SAMTOR: variants seen among roughly 807,000 people sequenced by gnomAD.
SAMTOR encodes the protein S-adenosylmethionine sensor upstream of mTORC1.
chr7:112,916,900 C>T, the SAMTOR span, among the ~76,000 whole-genome samples: 4 of 152,208 alleles, frequency 2.6e-5, no homozygotes, highest in Non-Finnish European at 2.9e-5. Context: ...GAGGGGCGCC[C>T]GCCATTGCCC....
At chr7:112,856,722 G>A in the SAMTOR span, among the ~76,000 whole-genome samples, 7 of 151,964 alleles carry the variant, frequency 4.6e-5, no homozygotes, top group Admixed American at 6.6e-5. Flanking sequence ...AGAAAACTAC[G>A]TGATGTAAAA....
chr7:112,832,157 G>A, the SAMTOR span, among the ~76,000 whole-genome samples: 11 of 151,868 alleles, frequency 7.2e-5, no homozygotes, highest in African/African-American at 2.7e-4. Flanking sequence ...GATTATGGGC[G>A]CTTGCCACCA....
At chr7:112,825,197 T>A in the SAMTOR span, among the ~76,000 whole-genome samples, 1 of 146,090 alleles carries the variant, frequency 6.8e-6, no homozygotes, top group Admixed American at 6.8e-5. Flanking sequence ...AATTTTTCTA[T>A]TTTTTTTTTT....
chr7:112,885,700 A>G, the SAMTOR span, among the ~76,000 whole-genome samples: 1 of 152,158 alleles, frequency 6.6e-6, no homozygotes, highest in African/African-American at 2.4e-5. Flanking sequence ...ACATCTTCCT[A>G]TCTTCTGAGC....
the SAMTOR span, among the ~76,000 whole-genome samples, chr7:112,846,316 G>A: frequency 6.6e-6 from 1 of 151,840 alleles, no homozygotes; most frequent in African/African-American, 2.4e-5. Flanking sequence ...TAAGTGATGA[G>A]GACGTATGGA....
the SAMTOR span, chr7:112,821,584 A>G: frequency 1.6e-6 from 1 of 608,670 alleles, no homozygotes; most frequent in African/African-American, 1.9e-5. Context: ...ATAAGAATAA[A>G]TTTTAAAATT....
chr7:112,885,361 G>GTTTTTTT, the SAMTOR span, among the ~76,000 whole-genome samples: 1 of 152,144 alleles, frequency 6.6e-6, no homozygotes, highest in Non-Finnish European at 1.5e-5. Context: ...CAGAAAACGG[G>GTTTTTTT]TTTTTCTTTT....
the SAMTOR span, among the ~76,000 whole-genome samples, chr7:112,913,303 T>C: frequency 6.6e-6 from 1 of 152,150 alleles, no homozygotes; most frequent in Non-Finnish European, 1.5e-5. Flanking sequence ...CCCTTACATA[T>C]CATAATCACT....
the SAMTOR span, among the ~76,000 whole-genome samples, chr7:112,913,743 C>T: frequency 6.6e-6 from 1 of 152,188 alleles, no homozygotes; most frequent in Non-Finnish European, 1.5e-5. Flanking sequence ...CTGAAACATG[C>T]CAGCATGCCT....
chr7:112,925,709 G>C, the SAMTOR span, among the ~76,000 whole-genome samples: 1 of 151,578 alleles, frequency 6.6e-6, no homozygotes. Context: ...CAGGAGAATC[G>C]CTTGAACCTG....
At chr7:112,845,305 AGCTATAGAATGG>A in the SAMTOR span, among the ~76,000 whole-genome samples, 3 of 152,166 alleles carry the variant, frequency 2.0e-5, no homozygotes, top group Admixed American at 6.5e-5. Flanking sequence ...TAAACAGACT[AGCTATAGAATGG>A]GAGAAAATAT....
the SAMTOR span, among the ~76,000 whole-genome samples, chr7:112,851,115 G>C: frequency 3.9e-5 from 6 of 152,136 alleles, no homozygotes; most frequent in Admixed American, 3.9e-4. Context: ...CTTATGGATT[G>C]GAAGAATCAA....
chr7:112,921,235 G>T, the SAMTOR span, among the ~76,000 whole-genome samples: 2 of 152,132 alleles, frequency 1.3e-5, no homozygotes, highest in African/African-American at 4.8e-5. Flanking sequence ...CATGGTAATG[G>T]TACCAAAACA....
chr7:112,893,009 T>C, the SAMTOR span, among the ~76,000 whole-genome samples: 117 of 152,296 alleles, frequency 7.7e-4, no homozygotes, highest in African/African-American at 2.7e-3. Flanking sequence ...TAAACTATTC[T>C]TTAAACAGAT....
At chr7:112,849,282 C>G in the SAMTOR span, among the ~76,000 whole-genome samples, 46 of 152,134 alleles carry the variant, frequency 3.0e-4, no homozygotes, top group African/African-American at 1.1e-3. Context: ...ATAAAAAAAT[C>G]ACAATGTAAT....
chr7:112,919,465 T>C, the SAMTOR span, among the ~76,000 whole-genome samples: 1 of 150,886 alleles, frequency 6.6e-6, no homozygotes, highest in African/African-American at 2.4e-5. Flanking sequence ...AGAGGGAAAT[T>C]TATAGCACTA....
the SAMTOR span, among the ~76,000 whole-genome samples, chr7:112,894,910 T>G: frequency 6.6e-6 from 1 of 152,172 alleles, no homozygotes; most frequent in Non-Finnish European, 1.5e-5. Flanking sequence ...GTAATATCTG[T>G]GAAGTACAAT....
the SAMTOR span, among the ~76,000 whole-genome samples, chr7:112,843,126 T>C: frequency 6.6e-6 from 1 of 152,128 alleles, no homozygotes; most frequent in African/African-American, 2.4e-5. Flanking sequence ...CATACAACCA[T>C]GTGTACCTTC....
At chr7:112,861,061 T>G in the SAMTOR span, among the ~76,000 whole-genome samples, 1 of 151,978 alleles carries the variant, frequency 6.6e-6, no homozygotes, top group Non-Finnish European at 1.5e-5. Flanking sequence ...TAAATACAGA[T>G]TTACATTTGC....
Sources: allele counts gnomAD v4.1 joint callset (sites outside exome capture counted in the v4.1 genomes callset), GRCh38; gene constraint gnomAD v4.1.1; transcripts MANE v1.5; gene names NCBI Gene and HGNC (gene_info 2026-07-23, HGNC 2026-07-21).